Variants in USP6NL observed in about 807,000 individuals in gnomAD.
USP6NL encodes the protein USP6 N-terminal like, also known as USP6 N-terminal-like protein.
USP6NL carries 26 observed loss-of-function variants against 61.9 expected under a neutral mutation model. The observed-to-expected ratio is 0.42, with a 90% CI of 0.31 to 0.58. USP6NL has a LOEUF of 0.58. USP6NL is among the 20% of genes least tolerant of loss of function. The pLI is 0.16. For synonymous variants in USP6NL, 432 were observed against 390.1 expected (o/e 1.11, Z -1.27); for missense variants, 1,114 against 1,034.3 (o/e 1.08, Z -1.06).
rs2133424310 is a variant in USP6NL at position 11,532,594 on chromosome 10, T to A, written c.5-5027A>T. 6.6e-6 allele frequency among the ~76,000 whole-genome samples: 1 copy of A among 152,328 alleles called. No individual in the cohort carries two copies. The highest frequency in any genetic ancestry group is 2.4e-5 in the African/African-American group (1 of 41,570). On this transcript the variant is annotated intron_variant, in intron 2 of 14. Transcript: ENST00000609104. This position sits in a 1 kb window ranked among gnomAD's most constrained non-coding sequence, Gnocchi z 4.1. ...CAGCGGCTTGAAAGAAGCAGCTTCA[T>A]AATGTGCCTTCATCTTGTGTCTCGA... is the stretch of plus-strand genomic sequence containing the variant.
rs55781528 is a variant in USP6NL at position 11,511,828 on chromosome 10, T to TACACACAC, written c.196-2161_196-2154dup. Among the ~76,000 whole-genome samples, 18 of 149,798 alleles carry TACACACAC rather than the reference T, an allele frequency of 1.2e-4. No individual in the cohort carries two copies. The highest frequency in any genetic ancestry group is 2.5e-4 in the Non-Finnish European group (17 of 67,406). On this transcript the variant is annotated intron_variant, in intron 5 of 14. Coordinates refer to ENST00000609104, the MANE Select transcript of USP6NL (RefSeq NM_014688.5). This position sits in a 1 kb window ranked among gnomAD's most constrained non-coding sequence, Gnocchi z 4.9. ...AAATAAAATAAAATAATATATATTA[T>TACACACAC]ACACACACACACACACACACACCCC...
chr10:11,533,438 A>G (rs1835729155), intron 2 of USP6NL, among the ~76,000 whole-genome samples: 1 of 152,238 alleles, frequency 6.6e-6, no homozygotes, highest in Non-Finnish European at 1.5e-5. Context: ...GTGATTACAG[A>G]TGTAATTCAG....
chr10:11,530,765 T>C (rs1473137167), intron 2 of USP6NL, among the ~76,000 whole-genome samples: 1 of 152,228 alleles, frequency 6.6e-6, no homozygotes, highest in Non-Finnish European at 1.5e-5. Flanking sequence ...TTTAGAGACA[T>C]TATTTTAAAA....
chr10:11,594,400 ATC>A (rs1838257619), intron 2 of USP6NL, among the ~76,000 whole-genome samples: 1 of 152,258 alleles, frequency 6.6e-6, no homozygotes, highest in South Asian at 2.1e-4. Context: ...CTAACAAAAT[ATC>A]TGTTTGTCAG....
At chr10:11,564,428 T>C (rs1264140127) in intron 2 of USP6NL, 4 of 152,154 alleles carry the variant, frequency 2.6e-5, no homozygotes, top group Non-Finnish European at 4.4e-5. Context: ...ACAGATTAAA[T>C]TTATCAATTA....
chr10:11,479,233 A>T (rs562994542), intron 14 of USP6NL, among the ~76,000 whole-genome samples: 1 of 152,326 alleles, frequency 6.6e-6, no homozygotes, highest in Non-Finnish European at 1.5e-5. Context: ...GGAAAGCTGT[A>T]TGGAAGGTGT....
At chr10:11,498,527 A>G (rs1285161634) in intron 7 of USP6NL, among the ~76,000 whole-genome samples, 2 of 152,022 alleles carry the variant, frequency 1.3e-5, no homozygotes, top group Non-Finnish European at 2.9e-5. Context: ...CAGTTTCCTC[A>G]TGTGTAAGAT....
Position 11,587,477 on chromosome 10 carries a change from AAT to A in USP6NL, c.4+10152_4+10153del, listed in dbSNP as rs1195273579. On this transcript the variant is annotated intron_variant, in intron 2 of 14. Coordinates refer to ENST00000609104, the MANE Select transcript of USP6NL (RefSeq NM_014688.5). The surrounding 1 kb of genome is among the most constrained non-coding windows in gnomAD (Gnocchi z 4.5). ...ATCCTGACATTTCATATTAAAATCTAATATGACCCATAAATCTCTACAGCCTA... is the reference window on the plus strand; with the variant it reads ...ATCCTGACATTTCATATTAAAATCTAATGACCCATAAATCTCTACAGCCTA... Among the ~76,000 whole-genome samples, 2 of 152,194 alleles carry A rather than the reference AAT, an allele frequency of 1.3e-5. No individual in the cohort carries two copies. The highest frequency in any genetic ancestry group is 2.9e-5 in the Non-Finnish European group (2 of 68,028).
chr10:11,527,714 AT>A (rs1835476808), intron 2 of USP6NL, 147 bp from the exon 3 acceptor site: 2 of 731,334 alleles, frequency 2.7e-6, no homozygotes, highest in African/African-American at 1.8e-5. Context: ...TGAGTTAAGT[AT>A]TTGTAACTAC....
chr10:11,532,107 T>C lies in USP6NL; in HGVS notation c.5-4540A>G. On this transcript the variant is annotated intron_variant, in intron 2 of 14. Coordinates refer to ENST00000609104, the MANE Select transcript of USP6NL (RefSeq NM_014688.5). The surrounding 1 kb of genome is among the most constrained non-coding windows in gnomAD (Gnocchi z 4.1). ...ATAAAATAAAATTTACAGCAGACCA[T>C]TTTTCCTAGAGTACATTTTGACAGA... 2 of 1,155,150 alleles carry C rather than the reference T, an allele frequency of 1.7e-6. No homozygotes were observed. The highest frequency in any genetic ancestry group is 1.2e-6 in the Non-Finnish European group (1 of 817,440). The allele number at this position is 1,155,150 out of a possible 1,614,324, so 71.6% of individuals were successfully genotyped here.
At chr10:11,535,749 C>G (rs1467415755) in intron 2 of USP6NL, among the ~76,000 whole-genome samples, 1 of 152,168 alleles carries the variant, frequency 6.6e-6, no homozygotes, top group African/African-American at 2.4e-5. Context: ...CTCTTAGTTA[C>G]GTTTTTAGTT....
At chr10:11,521,682 T>G (rs1415298891) in intron 4 of USP6NL, among the ~76,000 whole-genome samples, 1 of 152,088 alleles carries the variant, frequency 6.6e-6, no homozygotes, top group Admixed American at 6.6e-5. Flanking sequence ...GCCCGGCCAA[T>G]GATACTCTTT....
rs149672432 is a variant in USP6NL, at chr10:11,522,137, T to G, written c.155+3249A>C. ...GCTTTCATATTTATTGTGTAATCTA[T>G]TCCAAAACCAAGTTGTTCTATATTT... On this transcript the variant is annotated intron_variant, in intron 4 of 14. Transcript: ENST00000609104. 2.7e-3 allele frequency among the ~76,000 whole-genome samples: 407 copies of G among 152,360 alleles called. 1 individual carries two copies. The highest frequency in any genetic ancestry group is 9.2e-3 in the African/African-American group (384 of 41,580).
chr10:11,509,948 A>C (rs575651244), intron 5 of USP6NL, among the ~76,000 whole-genome samples: 1 of 152,346 alleles, frequency 6.6e-6, no homozygotes, highest in Non-Finnish European at 1.5e-5. Context: ...TGTGTATTCT[A>C]CAAATTTAAA....
At chr10:11,512,078 A>G (rs1247047030) in intron 5 of USP6NL, among the ~76,000 whole-genome samples, 1 of 152,166 alleles carries the variant, frequency 6.6e-6, no homozygotes, top group Non-Finnish European at 1.5e-5. Flanking sequence ...AAACATATTC[A>G]TATGTGACAA....
In USP6NL at chr10:11,555,746, A is replaced by C. The variant is rs567031409; in HGVS notation, c.5-28179T>G. On this transcript the variant is annotated intron_variant, in intron 2 of 14. Coordinates refer to ENST00000609104, the MANE Select transcript of USP6NL (RefSeq NM_014688.5). ...CTTCCAAAAATTAAAAACAAAGAAG[A>C]AATCTTAAAATAGCAGTCCAAGAAA... is the stretch of plus-strand genomic sequence containing the variant. 8.2e-4 allele frequency among the ~76,000 whole-genome samples: 125 copies of C among 152,278 alleles called. 1 individual carries two copies. The highest frequency in any genetic ancestry group is 2.8e-3 in the African/African-American group (117 of 41,558).
Position 11,460,984 on chromosome 10 carries a change from T to C in USP6NL, c.*1457A>G, listed in dbSNP as rs554011330. On this transcript the variant is annotated 3_prime_UTR_variant, in exon 15 of 15. Coordinates refer to ENST00000609104, the MANE Select transcript of USP6NL (RefSeq NM_014688.5). Reference sequence around the variant, plus strand: ...AGACTCATTATATACATAAAATATATTGTCACATTCACTAGCTAAACAAAC... The same window carrying C: ...AGACTCATTATATACATAAAATATACTGTCACATTCACTAGCTAAACAAAC... The C allele has an allele frequency of 5.3e-5, 8 of 152,162 alleles. No individual in the cohort carries two copies. The highest frequency in any genetic ancestry group is 2.1e-4 in the South Asian group (1 of 4,826). 9.4% of individuals were successfully genotyped at this position (152,162 alleles called of 1,614,324 possible).
intron 2 of USP6NL, among the ~76,000 whole-genome samples, chr10:11,546,535 G>A (rs962853135): frequency 6.6e-6 from 1 of 152,060 alleles, no homozygotes; most frequent in Non-Finnish European, 1.5e-5. Flanking sequence ...CCAAGTAGCT[G>A]GGACTACAGG....
chr10:11,488,642 T>C (rs923194591), intron 10 of USP6NL, among the ~76,000 whole-genome samples: 1 of 152,248 alleles, frequency 6.6e-6, no homozygotes, highest in Non-Finnish European at 1.5e-5. Context: ...TTATTACCTT[T>C]TCTTTAAAAA....
Sources: gnomAD v4.1 joint callset for allele counts (sites outside exome capture counted in the v4.1 genomes callset) on GRCh38, gnomAD v4.1.1 for gene constraint, Gnocchi (gnomAD v3.1) non-coding constraint, MANE v1.5 for transcripts, NCBI Gene and HGNC (gene_info 2026-07-23, HGNC 2026-07-21) for gene names.